The following PTPRD variants were observed in gnomAD, a reference collection of about 807,000 sequenced individuals.
PTPRD encodes receptor-type tyrosine-protein phosphatase delta.
A neutral mutation model predicts 214.5 loss-of-function variants in PTPRD; 34 were observed. The ratio of observed to expected loss-of-function variants is 0.16; its 90% CI spans 0.12 to 0.21. PTPRD has a LOEUF of 0.21. Among genes scored for constraint, PTPRD ranks in the 10% least tolerant of loss-of-function variants. The pLI, the probability that PTPRD is intolerant of heterozygous loss-of-function variation, is 1.00. For synonymous variants in PTPRD, 1,128 were observed against 845.7 expected (o/e 1.33, Z -5.79); for missense variants, 2,545 against 2,398.7 (o/e 1.06, Z -1.27).
intron 10 of PTPRD, among the ~76,000 whole-genome samples, chr9:9,154,831 C>T (rs185897457): frequency 6.6e-6 from 1 of 152,026 alleles, no homozygotes; most frequent in Non-Finnish European, 1.5e-5. Flanking sequence ...AAATCATTTC[C>T]TATATTTTAT....
intron 11 of PTPRD, among the ~76,000 whole-genome samples, chr9:8,897,233 A>G (rs1045141931): frequency 6.6e-6 from 1 of 152,186 alleles, no homozygotes; most frequent in South Asian, 2.1e-4. Flanking sequence ...CGTAAGTTGT[A>G]GACACTCATC....
At chr9:9,274,042 T>C (rs1944005599) in intron 9 of PTPRD, among the ~76,000 whole-genome samples, 1 of 151,168 alleles carries the variant, frequency 6.6e-6, no homozygotes, top group South Asian at 2.1e-4. Context: ...ACTGCCTCTT[T>C]TATGAACAGG....
At chr9:9,052,780 G>A (rs146106227) in intron 10 of PTPRD, among the ~76,000 whole-genome samples, 108 of 152,270 alleles carry the variant, frequency 7.1e-4, no homozygotes, top group African/African-American at 2.4e-3. Context: ...TTTGTAAGCT[G>A]CATTAGGAAT....
chr9:10,612,530 C>T (rs2081304970), intron 1 of PTPRD, 25 bp from the exon 2 acceptor site: 1 of 152,266 alleles, frequency 6.6e-6, no homozygotes, highest in Non-Finnish European at 1.5e-5. Context: ...GGCACATGCA[C>T]AGCAGCCCGT....
chr9:9,405,217 G>A (rs577375023), intron 8 of PTPRD, among the ~76,000 whole-genome samples: 1 of 152,146 alleles, frequency 6.6e-6, no homozygotes, highest in Non-Finnish European at 1.5e-5. Flanking sequence ...GGGAAAAGCA[G>A]ATACAACAAA....
At chr9:9,802,042 A>T (rs2099043881) in intron 5 of PTPRD, among the ~76,000 whole-genome samples, 1 of 152,102 alleles carries the variant, frequency 6.6e-6, no homozygotes, top group African/African-American at 2.4e-5. Flanking sequence ...CATCTTATGC[A>T]TTTCAAATTG....
chr9:8,751,386 G>A (rs994946180), intron 11 of PTPRD, among the ~76,000 whole-genome samples: 2 of 149,942 alleles, frequency 1.3e-5, no homozygotes, highest in Admixed American at 6.7e-5. Flanking sequence ...TTCCGGAAAG[G>A]CTTTCTACAC....
Position 9,419,412 on chromosome 9 carries a change from CTCT to C in PTPRD, c.-236-21933_-236-21931del, listed in dbSNP as rs138849310. ...AAATACTGTAGGGTTATATTAATGA[CTCT>C]TCAACAGTTTTATTTTAGTTACTTG... On this transcript the variant is annotated intron_variant, in intron 8 of 45. Coordinates refer to ENST00000381196, the MANE Select transcript of PTPRD (RefSeq NM_002839.4). Among the ~76,000 whole-genome samples, 447 of 151,718 alleles carry C rather than the reference CTCT, an allele frequency of 2.9e-3. 3 individuals carry two copies. The highest frequency in any genetic ancestry group is 0.01 in the African/African-American group (430 of 41,464).
At chr9:10,182,875 C>A (rs1012756378) in intron 3 of PTPRD, among the ~76,000 whole-genome samples, 1 of 152,068 alleles carries the variant, frequency 6.6e-6, no homozygotes, top group Admixed American at 6.6e-5. Context: ...CTCTTATGCA[C>A]TAAAATATGA....
intron 14 of PTPRD, among the ~76,000 whole-genome samples, chr9:8,619,148 T>C (rs2095723075): frequency 6.6e-6 from 1 of 152,004 alleles, no homozygotes; most frequent in Non-Finnish European, 1.5e-5. Flanking sequence ...TGTGAAATAG[T>C]TAAATCTTGC....
At chr9:8,746,199 G>T (rs2092783507) in intron 11 of PTPRD, among the ~76,000 whole-genome samples, 1 of 152,142 alleles carries the variant, frequency 6.6e-6, no homozygotes, top group Admixed American at 6.5e-5. Context: ...GAGTTATACA[G>T]TCTGGTTATC....
chr9:10,153,256 C>A (rs770675079), intron 3 of PTPRD, among the ~76,000 whole-genome samples: 52 of 151,974 alleles, frequency 3.4e-4, no homozygotes, highest in Non-Finnish European at 6.2e-4. Context: ...ATCACAATAT[C>A]ACATTGTACC....
chr9:9,812,602 C>T (rs559903822), intron 5 of PTPRD, among the ~76,000 whole-genome samples: 91 of 152,204 alleles, frequency 6.0e-4, no homozygotes, highest in African/African-American at 2.1e-3. Flanking sequence ...GGAATCAATT[C>T]ATCAAAAGGA....
At chr9:9,600,022 G>A (rs557619090) in intron 7 of PTPRD, among the ~76,000 whole-genome samples, 16 of 152,022 alleles carry the variant, frequency 1.1e-4, no homozygotes, top group African/African-American at 3.9e-4. Context: ...TAGGTAAAAT[G>A]CATTCTAAAT....
intron 4 of PTPRD, among the ~76,000 whole-genome samples, chr9:9,981,513 C>A (rs2095542660): frequency 6.7e-6 from 1 of 149,660 alleles, no homozygotes; most frequent in Non-Finnish European, 1.5e-5. Context: ...CGCCACCATG[C>A]CTGGCTAATT....
At chr9:10,247,549 C>T (rs953258862) in intron 3 of PTPRD, among the ~76,000 whole-genome samples, 2 of 152,094 alleles carry the variant, frequency 1.3e-5, no homozygotes, top group African/African-American at 4.8e-5. Context: ...ATAAATTCAG[C>T]GTTATTTCCA....
chr9:9,016,814 C>T (rs72692852), intron 11 of PTPRD, among the ~76,000 whole-genome samples: 4,131 of 152,206 alleles, frequency 0.027, 72 homozygotes, highest in Middle Eastern at 0.092. Flanking sequence ...AAAGTACTTT[C>T]AGAATGACAA....
chr9:8,817,651 C>G (rs1022397635), intron 11 of PTPRD, among the ~76,000 whole-genome samples: 1 of 151,944 alleles, frequency 6.6e-6, no homozygotes, highest in African/African-American at 2.4e-5. Context: ...TAAAATAAAA[C>G]AAAACAAAAC....
chr9:9,425,351 G>T (rs1234699190), intron 8 of PTPRD, among the ~76,000 whole-genome samples: 1 of 143,784 alleles, frequency 7.0e-6, no homozygotes, highest in East Asian at 2.0e-4. Flanking sequence ...AATATTACAT[G>T]TGCATATATA....
Sources: allele counts gnomAD v4.1 joint callset (sites outside exome capture counted in the v4.1 genomes callset), GRCh38; gene constraint gnomAD v4.1.1; transcripts MANE v1.5; gene names NCBI Gene and HGNC (gene_info 2026-07-23, HGNC 2026-07-21).